SZT2: variants seen among roughly 807,000 people sequenced by gnomAD.
SZT2 encodes the protein KICSTOR complex protein SZT2.
A neutral mutation model predicts 404.2 loss-of-function variants in SZT2; 216 were observed. The observed-to-expected ratio is 0.53, with a 90% CI of 0.48 to 0.60. The LOEUF (loss-of-function observed/expected upper bound fraction) is 0.60. SZT2 is among the 20% of genes least tolerant of loss of function. The pLI is 0.00. For synonymous variants in SZT2, 1,693 were observed against 1,749.9 expected, an observed-to-expected ratio of 0.97 and a Z score of 0.81; for missense variants, 3,857 against 4,459.2, an observed-to-expected ratio of 0.86 and a Z score of 3.85.
intron 1 of SZT2, among the ~76,000 whole-genome samples, chr1:43,391,623 A>G (rs1448237619): frequency 1.3e-5 from 2 of 152,178 alleles, no homozygotes; most frequent in African/African-American, 2.4e-5. Context: ...AAACTATGAA[A>G]CAGTTTAGAG....
At position 43,447,536 on chromosome 1, in the gene SZT2, AT is replaced by A. The variant is rs1655825184; in HGVS notation, c.9287-8del. The A allele has an allele frequency of 6.2e-7, 1 of 1,612,960 alleles. No homozygotes were observed. Among genetic ancestry groups the A allele is most frequent in the Non-Finnish European group, 8.5e-7 (1 of 1,179,526 alleles). On this transcript the variant is annotated splice_polypyrimidine_tract_variant and splice_region_variant and intron_variant, in intron 66 of 71. Transcript: ENST00000634258. ...TAGTGTCTGCTGTCTCCTGTTACTT[AT>A]CCCTCAGGGACATTGGAGCTCCCCA...
Position 43,430,621 on chromosome 1 carries a change from A to G in SZT2, c.4606A>G (p.Thr1536Ala), listed in dbSNP as rs1653753977. The G allele has an allele frequency of 6.2e-7, 1 of 1,614,122 alleles. No homozygotes were observed. The highest frequency in any genetic ancestry group is 8.5e-7 in the Non-Finnish European group (1 of 1,180,028). Reference protein sequence around the residue: ...LDSASLSDVDTVNPDEDSFSI... With the variant: ...LDSASLSDVDAVNPDEDSFSI... ...CTCTGCCTCGCTGTCAGACGTAGAC[A>G]CTGTGAATCCTGATGAAGACTCCTT... Residue 1536 changes from threonine to alanine, a missense_variant, in exon 32 of 72, where the codon ACT (threonine) becomes GCT (alanine). Around this residue, in one of 7 missense-constraint regions of SZT2, gnomAD observed 1,725 missense variants for 1,881.0 expected, o/e 0.92. Coordinates refer to ENST00000634258, the MANE Select transcript of SZT2 (RefSeq NM_001365999.1).
At position 43,446,393 on chromosome 1, in the gene SZT2, A is replaced by C; in HGVS notation, c.9049A>C (p.Met3017Leu). ...TGCCCTGGAATGTTCCCGAATCCCAATGGGGCAGGCTGTCAACTCACAGGT... is the reference window on the plus strand; with the variant it reads ...TGCCCTGGAATGTTCCCGAATCCCACTGGGGCAGGCTGTCAACTCACAGGT... ...QFALECSRIP[M>L]GQAVNSQLSM... Residue 3017 changes from methionine to leucine, a missense_variant, in exon 65 of 72, where the codon ATG (methionine) becomes CTG (leucine). This residue lies in a region of SZT2 where 717 missense variants were observed against 868.2 expected (regional missense o/e 0.83). Transcript: ENST00000634258. 1 of 1,614,250 alleles carries C rather than the reference A, an allele frequency of 6.2e-7. No individual in the cohort carries two copies. The highest frequency in any genetic ancestry group is 8.5e-7 in the Non-Finnish European group (1 of 1,180,042).
Position 43,448,574 on chromosome 1 carries a change from C to T in SZT2, c.9970-38C>T, listed in dbSNP as rs764530567. ...CAGAGGGCACAGGAATCTGAGGTGA[C>T]TGGCACAGAAGACTCAGGCCTGTGG... On this transcript the variant is annotated intron_variant, in intron 69 of 71. Transcript: ENST00000634258. The surrounding 1 kb of genome is among the most constrained non-coding windows in gnomAD (Gnocchi z 4.2). The T allele has an allele frequency of 9.3e-6, 15 of 1,613,902 alleles. No homozygotes were observed. The highest frequency in any genetic ancestry group is 5.0e-5 in the Admixed American group (3 of 60,012).
At position 43,451,822 on chromosome 1, in the gene SZT2, T is replaced by G. The variant is rs1169798872; in HGVS notation, c.*1342T>G. On this transcript the variant is annotated 3_prime_UTR_variant, in exon 72 of 72. Coordinates refer to ENST00000634258, the MANE Select transcript of SZT2 (RefSeq NM_001365999.1). The stretch of plus-strand genomic sequence containing the variant: ...CCATTTGTAATTGGAGGTTGGGTCT[T>G]CCTACCTTCTGTAAGATGGCTGCCG... 6.2e-7 allele frequency: 1 copy of G among 1,614,050 alleles called. No homozygotes were observed. The highest frequency in any genetic ancestry group is 1.1e-5 in the South Asian group (1 of 91,074).
At chr1:43,403,961 G>T in intron 3 of SZT2, 187 bp downstream of exon 3, 1 of 678,492 alleles carries the variant, frequency 1.5e-6, no homozygotes. Flanking sequence ...TACAATCCCA[G>T]TGCTTTGGGA....
Position 43,426,471 on chromosome 1 carries a change from C to T in SZT2, c.3147C>T (p.Ile1049=). 6.3e-7 allele frequency: 1 copy of T among 1,596,916 alleles called. No homozygotes were observed. Among genetic ancestry groups the T allele is most frequent in the Non-Finnish European group, 8.5e-7 (1 of 1,179,282 alleles). The part of the protein sequence containing the change: ...CLGQELSDRE[I]PLTPVDQAAF... ...GGCAGGAGCTGAGTGACCGGGAGATCCCACTGACCCCCGTTGACCAGGCTG... is the reference window on the plus strand; with the variant it reads ...GGCAGGAGCTGAGTGACCGGGAGATTCCACTGACCCCCGTTGACCAGGCTG... The change falls in exon 22 of 72, where the codon ATC becomes ATT. Residue 1049 remains isoleucine (I), a synonymous_variant. Coordinates refer to ENST00000634258, the MANE Select transcript of SZT2 (RefSeq NM_001365999.1). The surrounding 1 kb of genome is among the most constrained non-coding windows in gnomAD (Gnocchi z 4.9).
At position 43,429,805 on chromosome 1, in the gene SZT2, C is replaced by A; in HGVS notation, c.4269C>A (p.Leu1423=). The change falls in exon 29 of 72, where the codon CTC becomes CTA. Residue 1423 remains leucine (L), a synonymous_variant. Transcript: ENST00000634258. Reference sequence around the variant, plus strand: ...TCTCTCTGACAGATGTCTGCCAGCTCAGAGGAGAGGCCCATGGTGCCCTTC... The same window carrying A: ...TCTCTCTGACAGATGTCTGCCAGCTAAGAGGAGAGGCCCATGGTGCCCTTC... ...PEISLTDVCQ[L]RGEAHGALHS... 5 of 1,614,228 alleles carry A rather than the reference C, an allele frequency of 3.1e-6. No homozygotes were observed. The East Asian group carries it at 1.1e-4, about 36-fold the overall frequency.
chr1:43,426,923 A>T lies in SZT2; in HGVS notation c.3309+114A>T, dbSNP rs1026112243. On this transcript the variant is annotated intron_variant, in intron 23 of 71. Transcript: ENST00000634258. The surrounding 1 kb of genome is among the most constrained non-coding windows in gnomAD (Gnocchi z 4.9). The stretch of plus-strand genomic sequence containing the variant: ...AGACTAAATGGCATCTGCCAATGAC[A>T]CAATGCCGTCATTTTCCATTGTCCT... 6.5e-7 allele frequency: 1 copy of T among 1,547,950 alleles called. No individual in the cohort carries two copies. The highest frequency in any genetic ancestry group is 1.7e-5 in the Admixed American group (1 of 57,276).
rs771141637 is a variant in SZT2 at position 43,453,719 on chromosome 1, C to G, written c.*3239C>G. On this transcript the variant is annotated 3_prime_UTR_variant, in exon 72 of 72. Coordinates refer to ENST00000634258, the MANE Select transcript of SZT2 (RefSeq NM_001365999.1). ...CCTCGAAGCCCGAGCTGCCCGCGGC[C>G]CGCACCCGCGCGGGGAGGCCGGAGA... 1 of 1,396,482 alleles carries G rather than the reference C, an allele frequency of 7.2e-7. No individual in the cohort carries two copies. The highest frequency in any genetic ancestry group is 1.6e-5 in the South Asian group (1 of 62,918). The allele number at this position is 1,396,482 out of a possible 1,614,324, so 86.5% of individuals were successfully genotyped here. A position where few individuals can be genotyped will look rare whatever the true frequency, so the allele number is the denominator to read the frequency against.
Position 43,453,444 on chromosome 1 carries a change from C to T in SZT2, c.*2964C>T, listed in dbSNP as rs866325841. 2 of 1,564,090 alleles carry T rather than the reference C, an allele frequency of 1.3e-6. No individual in the cohort carries two copies. The highest frequency in any genetic ancestry group is 8.7e-7 in the Non-Finnish European group (1 of 1,153,266). On this transcript the variant is annotated 3_prime_UTR_variant, in exon 72 of 72. Coordinates refer to ENST00000634258, the MANE Select transcript of SZT2 (RefSeq NM_001365999.1). ...GCCTGCTCCAGTCCCTCTCGGAAGG[C>T]CGCCTGTCTCCCGGGGACGGCCCCC...
At position 43,390,004 on chromosome 1, in the gene SZT2, C is replaced by T; in HGVS notation, c.27+9C>T. The T allele has an allele frequency of 5.1e-6, 7 of 1,382,774 alleles. No homozygotes were observed. Among genetic ancestry groups the T allele is most frequent in the African/African-American group, 1.5e-5 (1 of 65,956 alleles). The allele number at this position is 1,382,774 out of a possible 1,614,324, so 85.7% of individuals were successfully genotyped here. ...AGCGCCCGGAGCCGGAGGTGAGGGG[C>T]GGGCGGGCGCAGCACTGGGCCCCGA... is the stretch of plus-strand genomic sequence containing the variant. On this transcript the variant is annotated intron_variant, in intron 1 of 71. Transcript: ENST00000634258.
At position 43,452,008 on chromosome 1, in the gene SZT2, GTCC is replaced by G; in HGVS notation, c.*1533_*1535del. The G allele has an allele frequency of 6.2e-7, 1 of 1,607,508 alleles. No homozygotes were observed. The highest frequency in any genetic ancestry group is 1.1e-5 in the South Asian group (1 of 90,410). ...TGATGGGCTCCAGCAGTCCCACGAG[GTCC>G]TCCTAGCAGCATGTCGGGTGCTGTG... On this transcript the variant is annotated 3_prime_UTR_variant, in exon 72 of 72. Coordinates refer to ENST00000634258, the MANE Select transcript of SZT2 (RefSeq NM_001365999.1).
rs766394996 is a variant in SZT2 at position 43,420,116 on chromosome 1, A to G, written c.1091-37A>G. On this transcript the variant is annotated intron_variant, in intron 8 of 71. Coordinates refer to ENST00000634258, the MANE Select transcript of SZT2 (RefSeq NM_001365999.1). This position sits in a 1 kb window ranked among gnomAD's most constrained non-coding sequence, Gnocchi z 5.1. ...CTACAGATCTGTCAGTTGGCAGATA[A>G]CCAGTTTCTCCTTCCCCATCTCCAC... is the stretch of plus-strand genomic sequence containing the variant. The G allele has an allele frequency of 1.3e-6, 2 of 1,594,086 alleles. No individual in the cohort carries two copies. The highest frequency in any genetic ancestry group is 2.2e-5 in the South Asian group (2 of 90,522).
chr1:43,427,618 T>C lies in SZT2; in HGVS notation c.3687T>C (p.Ser1229=), dbSNP rs757895553. 1 of 1,614,018 alleles carries C rather than the reference T, an allele frequency of 6.2e-7. No individual in the cohort carries two copies. The highest frequency in any genetic ancestry group is 1.3e-5 in the African/African-American group (1 of 74,894). ...GGCGTCAGGCTTCCCAGACAGAGAG[T>C]GCGGATGGGCCCCGGACCCGGTGTC... is the stretch of plus-strand genomic sequence containing the variant. ...YAGRQASQTE[S]ADGPRTRCPV... is the part of the protein sequence containing the mutation. Residue 1229 remains serine (S), a synonymous_variant, in exon 26 of 72, where the codon AGT becomes AGC. Coordinates refer to ENST00000634258, the MANE Select transcript of SZT2 (RefSeq NM_001365999.1).
chr1:43,403,847 A>C, intron 3 of SZT2, 73 bp downstream of exon 3: 1 of 1,541,028 alleles, frequency 6.5e-7, no homozygotes, highest in South Asian at 1.1e-5. Flanking sequence ...GCCTGTGGGG[A>C]AGTGAAAAAT....
chr1:43,403,994 G>A (rs995562928), intron 3 of SZT2: 1 of 575,040 alleles, frequency 1.7e-6, no homozygotes, highest in South Asian at 2.4e-5. Flanking sequence ...CTGATTACTC[G>A]AGCTCAGGAG....
chr1:43,439,200 C>A lies in SZT2; in HGVS notation c.6792+107C>A. 1 of 1,555,144 alleles carries A rather than the reference C, an allele frequency of 6.4e-7. No homozygotes were observed. The highest frequency in any genetic ancestry group is 1.2e-5 in the South Asian group (1 of 86,366). ...CCTATATGTACCTTTGCCCATGGAC[C>A]TGGGTACACCCATGCCCCCCCGGGG... On this transcript the variant is annotated intron_variant, in intron 48 of 71. Coordinates refer to ENST00000634258, the MANE Select transcript of SZT2 (RefSeq NM_001365999.1). This position sits in a 1 kb window ranked among gnomAD's most constrained non-coding sequence, Gnocchi z 4.2.
In SZT2 at chr1:43,430,399, C is replaced by T; in HGVS notation, c.4480+10C>T. 2 of 1,605,778 alleles carry T rather than the reference C, an allele frequency of 1.2e-6. No homozygotes were observed. The highest frequency in any genetic ancestry group is 2.7e-5 in the African/African-American group (2 of 74,652). On this transcript the variant is annotated intron_variant, in intron 31 of 71. Transcript: ENST00000634258. ...CTTATGGGAGAAGAAGGTATGTGGG[C>T]AAGTGAGTCAAGGTGGGGAAGGCTG...
Sources: gnomAD v4.1 joint callset for allele counts (sites outside exome capture counted in the v4.1 genomes callset) on GRCh38, gnomAD v4.1.1 for gene constraint, gnomAD v4.1.1 regional missense constraint, Gnocchi (gnomAD v3.1) non-coding constraint, MANE v1.5 for transcripts, NCBI Gene and HGNC (gene_info 2026-07-23, HGNC 2026-07-21) for gene names.